The following OPCML variants were observed in gnomAD, a reference collection of about 807,000 sequenced individuals.
OPCML encodes the protein opioid binding protein/cell adhesion molecule like.
A neutral mutation model predicts 37.8 loss-of-function variants in OPCML; 13 were observed. The observed-to-expected ratio is 0.34, with a 90% CI of 0.22 to 0.55. The LOEUF (loss-of-function observed/expected upper bound fraction) is 0.55, where lower values mean the gene tolerates loss of function less well. Ranked by LOEUF, OPCML falls within the 20% of genes least tolerant of loss-of-function variation. The pLI, the probability that OPCML is intolerant of heterozygous loss-of-function variation, is 0.91. For missense variants in OPCML, 341 were observed against 435.6 expected, an observed-to-expected ratio of 0.78 and a Z score of 1.93; for synonymous variants, 176 against 168.8, an observed-to-expected ratio of 1.04 and a Z score of -0.33.
intron 2 of OPCML, among the ~76,000 whole-genome samples, chr11:132,816,442 T>C (rs1173924798): frequency 1.3e-5 from 2 of 152,238 alleles, no homozygotes; most frequent in African/African-American, 4.8e-5. Context: ...TATGATTTTA[T>C]GCATTATGAA....
intron 1 of OPCML, among the ~76,000 whole-genome samples, chr11:133,319,352 A>G (rs1943276540): frequency 6.6e-6 from 1 of 152,166 alleles, no homozygotes; most frequent in Non-Finnish European, 1.5e-5. Context: ...CACACACAGC[A>G]TAGTTCACAG....
chr11:132,685,632 C>G (rs1181311281), intron 2 of OPCML, among the ~76,000 whole-genome samples: 1 of 152,040 alleles, frequency 6.6e-6, no homozygotes, highest in Non-Finnish European at 1.5e-5. Context: ...TTATGTCTCC[C>G]TTTTTTTGAT....
intron 3 of OPCML, among the ~76,000 whole-genome samples, chr11:132,530,544 C>T (rs965924715): frequency 2.0e-5 from 3 of 152,140 alleles, no homozygotes; most frequent in African/African-American, 7.2e-5. Flanking sequence ...TACTCCTTCA[C>T]CCCAGAATGG....
chr11:133,245,303 G>T (rs1052558933), intron 1 of OPCML, among the ~76,000 whole-genome samples: 1 of 152,158 alleles, frequency 6.6e-6, no homozygotes, highest in Non-Finnish European at 1.5e-5. Flanking sequence ...GTTCTGTAAG[G>T]AACTGAAAAG....
intron 1 of OPCML, among the ~76,000 whole-genome samples, chr11:133,073,871 A>C (rs1480702786): frequency 5.3e-5 from 8 of 152,222 alleles, no homozygotes; most frequent in Non-Finnish European, 1.5e-5. Context: ...AAGAGCAATA[A>C]ATTATCATAC....
chr11:132,753,383 T>C (rs1245237970), intron 2 of OPCML, among the ~76,000 whole-genome samples: 1 of 152,206 alleles, frequency 6.6e-6, no homozygotes, highest in East Asian at 1.9e-4. Context: ...AAGAACAATA[T>C]ACTAGGAGAG....
At chr11:133,220,679 C>T (rs922989531) in intron 1 of OPCML, among the ~76,000 whole-genome samples, 3 of 152,208 alleles carry the variant, frequency 2.0e-5, no homozygotes, top group Non-Finnish European at 2.9e-5. Context: ...GGTATGTATA[C>T]TGCCTCTACC....
At chr11:133,413,357 T>C (rs4309174) in intron 1 of OPCML, among the ~76,000 whole-genome samples, 27,187 of 151,072 alleles carry the variant, frequency 0.18, 2,610 homozygotes, top group African/African-American at 0.23. Context: ...AGGGATAGCA[T>C]TGGGAGATGT....
chr11:132,570,466 T>C (rs772304941), intron 3 of OPCML, among the ~76,000 whole-genome samples: 9 of 152,072 alleles, frequency 5.9e-5, no homozygotes, highest in Non-Finnish European at 1.0e-4. Flanking sequence ...ATATGCTGAT[T>C]TTCTTTAATG....
At chr11:133,373,448 T>TATATATATATATATATATACAC (rs966091785) in intron 1 of OPCML, among the ~76,000 whole-genome samples, 1 of 132,176 alleles carries the variant, frequency 7.6e-6, no homozygotes, top group Non-Finnish European at 1.6e-5. Flanking sequence ...TATATATATA[T>TATATATATATATATATATACAC]ACACACACAC....
chr11:133,326,503 T>A (rs1343851955), intron 1 of OPCML, among the ~76,000 whole-genome samples: 2 of 118,132 alleles, frequency 1.7e-5, no homozygotes, highest in African/African-American at 7.3e-5. Context: ...GGTGTGTGTA[T>A]GTGTGGGAGT....
Position 132,415,504 on chromosome 11 carries a change from A to G in OPCML, c.*4689T>C, listed in dbSNP as rs970077601. On this transcript the variant is annotated 3_prime_UTR_variant, in exon 8 of 8. Coordinates refer to ENST00000524381, the MANE Select transcript of OPCML (RefSeq NM_001012393.5). Reference sequence around the variant, plus strand: ...TAGCATTGTTATTACTGATAGCTTTATAAATCTGCCAAATAACATAGAATG... The same window carrying G: ...TAGCATTGTTATTACTGATAGCTTTGTAAATCTGCCAAATAACATAGAATG... 1.3e-5 allele frequency: 2 copies of G among 152,202 alleles called. No individual in the cohort carries two copies. The highest frequency in any genetic ancestry group is 4.8e-5 in the African/African-American group (2 of 41,446). The allele number at this position is 152,202 out of a possible 1,614,324, so 9.4% of individuals were successfully genotyped here.
Position 132,657,295 on chromosome 11 carries a change from G to C in OPCML, c.171C>G (p.Thr57=), listed in dbSNP as rs75346519. The C allele has an allele frequency of 6.2e-7, 1 of 1,614,242 alleles. No homozygotes were observed. The highest frequency in any genetic ancestry group is 8.5e-7 in the Non-Finnish European group (1 of 1,180,050). Residue 57 remains threonine, a synonymous_variant, in exon 3 of 8, where the codon ACC becomes ACG. Coordinates refer to ENST00000524381, the MANE Select transcript of OPCML (RefSeq NM_001012393.5). The part of the protein sequence containing the change: ...TLRCTIDDRV[T]RVAWLNRSTI... The stretch of plus-strand genomic sequence containing the variant: ...TGCTGCGGTTTAGCCAGGCCACCCG[G>C]GTTACCCGGTCATCTATGGTACACC...
chr11:132,781,568 G>A (rs1327868865), intron 2 of OPCML, among the ~76,000 whole-genome samples: 1 of 149,964 alleles, frequency 6.7e-6, no homozygotes, highest in Non-Finnish European at 1.5e-5. Context: ...ATGTGGGGGT[G>A]TATATACACC....
At chr11:133,402,851 C>T (rs186709742) in intron 1 of OPCML, among the ~76,000 whole-genome samples, 57 of 152,302 alleles carry the variant, frequency 3.7e-4, no homozygotes, top group African/African-American at 1.3e-3. Flanking sequence ...GGACCCAAGT[C>T]GCCAAGGCCA....
chr11:133,037,695 T>G (rs180722243), intron 1 of OPCML, among the ~76,000 whole-genome samples: 1 of 152,342 alleles, frequency 6.6e-6, no homozygotes, highest in Non-Finnish European at 1.5e-5. Flanking sequence ...TGTCTTTGAC[T>G]CATCACCCTC....
chr11:133,230,144 A>G (rs1328294905), intron 1 of OPCML, among the ~76,000 whole-genome samples: 1 of 152,236 alleles, frequency 6.6e-6, no homozygotes, highest in East Asian at 1.9e-4. Flanking sequence ...TTCCAAGGAC[A>G]CAGTTAGCTG....
intron 1 of OPCML, among the ~76,000 whole-genome samples, chr11:133,235,548 C>T (rs1022816145): frequency 3.9e-5 from 6 of 152,194 alleles, no homozygotes; most frequent in African/African-American, 1.4e-4. Context: ...TGTGTCAGCA[C>T]CAGCACCCAA....
chr11:133,532,152 A>G (rs1032848465), intron 1 of OPCML, 112 bp downstream of exon 1: 8 of 1,504,022 alleles, frequency 5.3e-6, no homozygotes, highest in Non-Finnish European at 6.3e-6. Context: ...TGCATCTCAC[A>G]CTCCCTGTCC....
Sources: allele counts gnomAD v4.1 joint callset (sites outside exome capture counted in the v4.1 genomes callset), GRCh38; gene constraint gnomAD v4.1.1; transcripts MANE v1.5; gene names NCBI Gene and HGNC (gene_info 2026-07-23, HGNC 2026-07-21).